SLC27A6: variants seen among roughly 807,000 people sequenced by gnomAD.
SLC27A6 encodes solute carrier family 27 member 6.
SLC27A6 carries 74 observed loss-of-function variants against 63.9 expected under a neutral mutation model. That is an observed-to-expected ratio of 1.16 (90% CI 0.96 to 1.40). The LOEUF (loss-of-function observed/expected upper bound fraction) is 1.40. Among genes scored for constraint, SLC27A6 ranks in the 40% most tolerant of loss-of-function variants. SLC27A6 has a pLI of 0.00. For missense variants in SLC27A6, 794 were observed against 732.9 expected (o/e 1.08, Z -0.96); for synonymous variants, 287 against 260.8 (o/e 1.10, Z -0.97).
intron 4 of SLC27A6, among the ~76,000 whole-genome samples, chr5:129,002,488 C>CCTTCCCTCTCTT (rs1751375042): frequency 5.4e-5 from 3 of 55,814 alleles, no homozygotes; most frequent in African/African-American, 1.2e-4. Flanking sequence ...TTCCCTCTCT[C>CCTTCCCTCTCTT]GTTCCTTCCC....
chr5:128,976,049 A>G (rs942279728), intron 1 of SLC27A6, among the ~76,000 whole-genome samples: 8 of 152,202 alleles, frequency 5.3e-5, no homozygotes, highest in Admixed American at 2.0e-4. Context: ...AAAGAAAAAA[A>G]AAACAAAAAG....
intron 5 of SLC27A6, among the ~76,000 whole-genome samples, chr5:129,020,176 T>C (rs1343204168): frequency 6.6e-6 from 1 of 152,158 alleles, no homozygotes; most frequent in Non-Finnish European, 1.5e-5. Context: ...CACTTAAGAA[T>C]TTTTGTTCTG....
At chr5:129,023,818 C>G in intron 6 of SLC27A6, 108 bp downstream of exon 6, 1 of 724,394 alleles carries the variant, frequency 1.4e-6, no homozygotes, top group Non-Finnish European at 2.4e-6. Context: ...CGGGTAGACA[C>G]CAAAATTCAT....
chr5:129,016,210 G>A (rs1207171935), intron 5 of SLC27A6, 131 bp downstream of exon 5: 6 of 585,736 alleles, frequency 1.0e-5, no homozygotes, highest in Non-Finnish European at 1.5e-5. Flanking sequence ...GGCCAACACA[G>A]TGAAACCCTG....
At chr5:129,000,579 T>C (rs1430416611) in intron 4 of SLC27A6, among the ~76,000 whole-genome samples, 1 of 152,158 alleles carries the variant, frequency 6.6e-6, no homozygotes, top group East Asian at 1.9e-4. Context: ...TCAAAGTTTC[T>C]ATCGTTGCAG....
intron 5 of SLC27A6, among the ~76,000 whole-genome samples, chr5:129,021,767 G>A (rs1288210226): frequency 6.6e-6 from 1 of 152,208 alleles, no homozygotes; most frequent in East Asian, 1.9e-4. Context: ...CTCTGCTCCA[G>A]AGTACTTCTA....
At position 129,024,591 on chromosome 5, in the gene SLC27A6, C is replaced by T. The variant is rs529593069; in HGVS notation, c.1255+881C>T. On this transcript the variant is annotated intron_variant, in intron 6 of 9. Coordinates refer to ENST00000262462, the MANE Select transcript of SLC27A6 (RefSeq NM_001017372.3). ...CTTCTCCCTCTCACTCCCCTCCCTT[C>T]TCTACCAAGGTAGACTTTCTTACAA... Among the ~76,000 whole-genome samples the T allele has an allele frequency of 2.0e-5, 3 of 152,232 alleles. No homozygotes were observed. The South Asian group carries it at 6.2e-4, about 32-fold the overall frequency.
At chr5:129,014,934 G>A (rs576678846) in intron 4 of SLC27A6, among the ~76,000 whole-genome samples, 132 of 152,174 alleles carry the variant, frequency 8.7e-4, no homozygotes, top group African/African-American at 2.9e-3. Context: ...TTGAGAATTC[G>A]TAGATTAAAA....
At chr5:129,028,743 A>G (rs1752325728) in intron 8 of SLC27A6, among the ~76,000 whole-genome samples, 1 of 149,720 alleles carries the variant, frequency 6.7e-6, no homozygotes, top group Non-Finnish European at 1.5e-5. Context: ...TTAGTCTATT[A>G]TTTTTCTTTT....
In SLC27A6 at chr5:128,985,184, G is replaced by T; in HGVS notation, c.533G>T (p.Ser178Ile). The T allele has an allele frequency of 1.2e-6, 2 of 1,614,006 alleles. No homozygotes were observed. The highest frequency in any genetic ancestry group is 1.1e-5 in the South Asian group (1 of 91,080). ...EILPSLSENI[S>I]VWGMKDSVPQ... ...CTTCCAAGCCTCTCAGAAAATATCA[G>T]TGTTTGGGGGATGAAAGATTCTGTT... Residue 178 changes from serine to isoleucine, a missense_variant, in exon 2 of 10, where the codon AGT becomes ATT. Ser to Ile is a moderately radical substitution (Grantham distance 142). Coordinates refer to ENST00000262462, the MANE Select transcript of SLC27A6 (RefSeq NM_001017372.3).
intron 4 of SLC27A6, among the ~76,000 whole-genome samples, chr5:129,005,597 G>T (rs1011916283): frequency 1.3e-5 from 2 of 148,374 alleles, no homozygotes; most frequent in Non-Finnish European, 3.0e-5. Flanking sequence ...TCCATAAATA[G>T]GTCTGGTTGT....
At position 129,031,453 on chromosome 5, in the gene SLC27A6, TTTCA is replaced by T. The variant is rs548859904; in HGVS notation, c.1684-1649_1684-1646del. On this transcript the variant is annotated intron_variant, in intron 9 of 9. Coordinates refer to ENST00000262462, the MANE Select transcript of SLC27A6 (RefSeq NM_001017372.3). ...GGCTGGGATAAAACGAACTTGGTCC[TTTCA>T]TTCTGCTCATGGAACCATAAATTGT... Among the ~76,000 whole-genome samples the T allele has an allele frequency of 3.5e-3, 526 of 152,084 alleles. 4 individuals are homozygous for T. Among genetic ancestry groups the T allele is most frequent in the African/African-American group, 0.012 (503 of 41,548 alleles).
intron 1 of SLC27A6, among the ~76,000 whole-genome samples, chr5:128,981,301 A>G (rs573394023): frequency 6.6e-6 from 1 of 151,914 alleles, no homozygotes; most frequent in East Asian, 1.9e-4. Context: ...CCAACATGGT[A>G]AAAACCCCGT....
At chr5:129,026,305 C>T (rs1752243498) in intron 6 of SLC27A6, among the ~76,000 whole-genome samples, 1 of 152,116 alleles carries the variant, frequency 6.6e-6, no homozygotes, top group Non-Finnish European at 1.5e-5. Context: ...CTCGTCTTCT[C>T]TTAGAAGTAG....
intron 1 of SLC27A6, among the ~76,000 whole-genome samples, chr5:128,979,907 G>GT (rs1437688801): frequency 6.6e-6 from 1 of 152,166 alleles, no homozygotes; most frequent in Non-Finnish European, 1.5e-5. Flanking sequence ...TTATTCATGA[G>GT]TTTTGTATTT....
At chr5:128,991,929 GCTT>G (rs1750996723) in intron 4 of SLC27A6, among the ~76,000 whole-genome samples, 3 of 151,536 alleles carry the variant, frequency 2.0e-5, no homozygotes, top group African/African-American at 7.3e-5. Context: ...CTCTCCAAAT[GCTT>G]CTTCTTTAAC....
intron 2 of SLC27A6, 143 bp from the exon 3 acceptor site, chr5:128,988,457 T>C: frequency 1.6e-6 from 1 of 618,286 alleles, no homozygotes. Context: ...ACTACTTTGA[T>C]ATATTTTCTG....
chr5:129,015,625 A>C (rs561642427), intron 4 of SLC27A6, among the ~76,000 whole-genome samples: 33 of 150,738 alleles, frequency 2.2e-4, no homozygotes, highest in African/African-American at 5.4e-4. Flanking sequence ...ACATTTACCC[A>C]AAAAAAAAGC....
At chr5:128,992,116 GC>G (rs1751004339) in intron 4 of SLC27A6, among the ~76,000 whole-genome samples, 3 of 141,670 alleles carry the variant, frequency 2.1e-5, no homozygotes, top group African/African-American at 8.8e-5. Flanking sequence ...GTAGGATATT[GC>G]CCTACGTGGG....
Sources: gnomAD v4.1 joint callset for allele counts (sites outside exome capture counted in the v4.1 genomes callset) on GRCh38, gnomAD v4.1.1 for gene constraint, MANE v1.5 for transcripts, NCBI Gene and HGNC (gene_info 2026-07-23, HGNC 2026-07-21) for gene names.